The following DNM3 variants were observed in gnomAD, a reference collection of about 807,000 sequenced individuals.
DNM3 encodes the protein dynamin 3.
Under a neutral mutation model 101.6 loss-of-function variants are expected in DNM3, and 47 were observed. The observed-to-expected ratio is 0.46, with a 90% CI of 0.37 to 0.59. The LOEUF (loss-of-function observed/expected upper bound fraction) is 0.59, where lower values mean the gene tolerates loss of function less well. Ranked by LOEUF, DNM3 falls within the 20% of genes least tolerant of loss-of-function variation. The probability of loss-of-function intolerance (pLI) is 0.00; values close to 1 mark genes in which losing one functional copy is unlikely to be tolerated. For synonymous variants in DNM3, 385 were observed against 387.9 expected, an observed-to-expected ratio of 0.99 and a Z score of 0.09; for missense variants, 849 against 1,085.7, an observed-to-expected ratio of 0.78 and a Z score of 3.06.
At chr1:172,123,159 A>G (rs1156339883) in intron 13 of DNM3, among the ~76,000 whole-genome samples, 1 of 152,194 alleles carries the variant, frequency 6.6e-6, no homozygotes. Context: ...ATTCATTCGT[A>G]TTAGTAACAA....
intron 17 of DNM3, among the ~76,000 whole-genome samples, chr1:172,373,885 T>C (rs2149043945): frequency 6.6e-6 from 1 of 152,250 alleles, no homozygotes; most frequent in South Asian, 2.1e-4. Flanking sequence ...TCAGTATATT[T>C]TTATCATCTT....
Position 171,928,531 on chromosome 1 carries a change from G to T in DNM3, c.235+6710G>T, listed in dbSNP as rs542476331. Reference sequence around the variant, plus strand: ...GACCAAGCCAGGGGTTCCCTGTCTGGTGATGAGCACTGGAGGGTGTGTGGG... The same window carrying T: ...GACCAAGCCAGGGGTTCCCTGTCTGTTGATGAGCACTGGAGGGTGTGTGGG... On this transcript the variant is annotated intron_variant, in intron 2 of 20. Coordinates refer to ENST00000627582, the MANE Select transcript of DNM3 (RefSeq NM_015569.5). Among the ~76,000 whole-genome samples, 4 of 152,282 alleles carry T rather than the reference G, an allele frequency of 2.6e-5. No homozygotes were observed. The East Asian group carries it at 7.7e-4, about 29-fold the overall frequency.
chr1:172,257,351 T>A (rs1191963191), intron 15 of DNM3, among the ~76,000 whole-genome samples: 1 of 152,116 alleles, frequency 6.6e-6, no homozygotes, highest in Non-Finnish European at 1.5e-5. Context: ...TTTTATCACA[T>A]GAGCATTAAA....
chr1:171,862,991 T>C (rs2034334584), intron 1 of DNM3, among the ~76,000 whole-genome samples: 1 of 151,154 alleles, frequency 6.6e-6, no homozygotes, highest in Non-Finnish European at 1.5e-5. Flanking sequence ...GGACACAGTG[T>C]GTAGATAACT....
intron 15 of DNM3, among the ~76,000 whole-genome samples, chr1:172,255,712 C>T (rs754546020): frequency 6.6e-6 from 1 of 152,112 alleles, no homozygotes; most frequent in Non-Finnish European, 1.5e-5. Context: ...TTGTCTTCTC[C>T]TTTGAAATGC....
intron 20 of DNM3, among the ~76,000 whole-genome samples, chr1:172,392,119 T>C (rs1288184688): frequency 6.6e-6 from 1 of 152,244 alleles, no homozygotes. Context: ...GAGTCATTTT[T>C]GGCCCAGCTT....
intron 20 of DNM3, among the ~76,000 whole-genome samples, chr1:172,407,044 A>G (rs1264378399): frequency 6.6e-6 from 1 of 152,044 alleles, no homozygotes; most frequent in Non-Finnish European, 1.5e-5. Flanking sequence ...TTACTTGGTA[A>G]TGTTGAGACT....
intron 17 of DNM3, among the ~76,000 whole-genome samples, chr1:172,354,112 T>TGTGTGAGAGAGAGAGAGAGA (rs138540712): frequency 4.0e-4 from 38 of 94,960 alleles, no homozygotes; most frequent in African/African-American, 1.0e-3. Context: ...TGTGTGTGTG[T>TGTGTGAGAGAGAGAGAGAGA]GAGAGAGAGA....
chr1:172,142,371 A>G (rs1206076276), intron 14 of DNM3, among the ~76,000 whole-genome samples: 1 of 152,170 alleles, frequency 6.6e-6, no homozygotes, highest in African/African-American at 2.4e-5. Context: ...AGAGCTTTAT[A>G]AAATGAGCTT....
intron 17 of DNM3, among the ~76,000 whole-genome samples, chr1:172,335,028 G>A (rs1303566263): frequency 6.6e-6 from 1 of 152,090 alleles, no homozygotes; most frequent in Non-Finnish European, 1.5e-5. Context: ...TAAAATCTGA[G>A]TCTTTATCAG....
intron 1 of DNM3, among the ~76,000 whole-genome samples, chr1:171,908,448 G>T (rs921896576): frequency 3.3e-5 from 5 of 152,062 alleles, no homozygotes; most frequent in East Asian, 1.9e-4. Context: ...ATTTGCTAAT[G>T]GTAGAACTCT....
At chr1:171,982,975 C>T (rs1206751054) in intron 2 of DNM3, among the ~76,000 whole-genome samples, 1 of 152,074 alleles carries the variant, frequency 6.6e-6, no homozygotes, top group East Asian at 1.9e-4. Flanking sequence ...TTTCTGGCCT[C>T]CTATTTCCCT....
chr1:172,298,403 A>T (rs1224154728), intron 15 of DNM3, among the ~76,000 whole-genome samples: 1 of 152,072 alleles, frequency 6.6e-6, no homozygotes, highest in Non-Finnish European at 1.5e-5. Flanking sequence ...GCTATGGGAG[A>T]CTCAGGGGAG....
At chr1:172,389,976 A>C (rs9425592) in intron 20 of DNM3, among the ~76,000 whole-genome samples, 1 of 151,656 alleles carries the variant, frequency 6.6e-6, no homozygotes, top group African/African-American at 2.4e-5. Flanking sequence ...TTCTTTATCT[A>C]TGAAACAGGG....
intron 4 of DNM3, among the ~76,000 whole-genome samples, chr1:172,008,429 A>G (rs2046843183): frequency 6.6e-6 from 1 of 151,932 alleles, no homozygotes; most frequent in South Asian, 2.1e-4. Flanking sequence ...GTGGAAAGCT[A>G]GTTTTTTCAG....
At position 172,379,120 on chromosome 1, in the gene DNM3, A is replaced by G. The variant is rs2068758544; in HGVS notation, c.1996A>G (p.Ile666Val). 1 of 1,612,000 alleles carries G rather than the reference A, an allele frequency of 6.2e-7. No individual in the cohort carries two copies. Among genetic ancestry groups the G allele is most frequent in the Non-Finnish European group, 8.5e-7 (1 of 1,178,818 alleles). Residue 666 changes from isoleucine to valine, a missense_variant, in exon 18 of 21, where the codon ATT (isoleucine) becomes GTT (valine). Ile to Val is a conservative substitution (Grantham distance 29, BLOSUM62 3). Around this residue, in one of 5 missense-constraint regions of DNM3, gnomAD observed 256 missense variants for 311.7 expected, o/e 0.82. Transcript: ENST00000627582. ...IRNLVDSYMS[I>V]INKCIRDLIP... The stretch of plus-strand genomic sequence containing the variant: ...CAACCTCGTAGACTCCTACATGTCC[A>G]TTATCAACAAATGTATCCGAGATCT...
chr1:172,068,972 T>C, intron 11 of DNM3, 67 bp downstream of exon 11: 1 of 1,388,892 alleles, frequency 7.2e-7, no homozygotes, highest in South Asian at 1.3e-5. Context: ...CAAGGTTGTC[T>C]GGTAGTTCCC....
intron 2 of DNM3, among the ~76,000 whole-genome samples, chr1:171,953,856 A>G (rs1273114796): frequency 2.0e-5 from 3 of 152,230 alleles, no homozygotes; most frequent in Non-Finnish European, 2.9e-5. Context: ...AATAAATGGC[A>G]TAGAATTCCC....
chr1:171,946,966 A>T (rs1355934575), intron 2 of DNM3, among the ~76,000 whole-genome samples: 2 of 152,126 alleles, frequency 1.3e-5, no homozygotes, highest in Non-Finnish European at 2.9e-5. Flanking sequence ...TCATGACCCA[A>T]ACACCTCCCA....
Sources: allele counts gnomAD v4.1 joint callset (sites outside exome capture counted in the v4.1 genomes callset), GRCh38; gene constraint gnomAD v4.1.1; regional missense constraint gnomAD v4.1.1; transcripts MANE v1.5; gene names NCBI Gene and HGNC (gene_info 2026-07-23, HGNC 2026-07-21).